Variants in OGA observed in about 807,000 individuals in gnomAD.
The protein encoded by OGA is protein O-GlcNAcase.
A neutral mutation model predicts 102.0 loss-of-function variants in OGA; 21 were observed. The ratio of observed to expected loss-of-function variants is 0.21; its 90% CI spans 0.15 to 0.30. The LOEUF (loss-of-function observed/expected upper bound fraction) is 0.30. OGA is among the 10% of genes least tolerant of loss of function. OGA has a pLI of 1.00. For synonymous variants in OGA, 408 were observed against 378.2 expected (o/e 1.08, Z -0.91); for missense variants, 765 against 1,107.8 (o/e 0.69, Z 4.39).
intron 15 of OGA, 39 bp from the exon 16 acceptor site, chr10:101,786,626 CT>C: frequency 6.8e-7 from 1 of 1,478,278 alleles, no homozygotes; most frequent in Non-Finnish European, 9.0e-7. Context: ...AAATAAGTCA[CT>C]TAATTAGTAT....
intron 2 of OGA, 149 bp from the exon 3 acceptor site, chr10:101,813,276 T>G: frequency 1.6e-6 from 1 of 627,248 alleles, no homozygotes; most frequent in Admixed American, 3.2e-5. Flanking sequence ...CAGTGGAATT[T>G]AAAAAAATTA....
intron 2 of OGA, 30 bp downstream of exon 2, chr10:101,813,525 T>C (rs1358560063): frequency 6.5e-6 from 9 of 1,375,082 alleles, no homozygotes; most frequent in Non-Finnish European, 9.1e-6. Flanking sequence ...TTTAAGGTTC[T>C]CCTCTCTCCT....
In OGA at chr10:101,799,274, C is replaced by CTGT. The variant is rs764425200; in HGVS notation, c.1374_1376dup (p.Gln459dup). On this transcript the variant is annotated inframe_insertion, in exon 9 of 16. Transcript: ENST00000361464. ...CCATGTCCATGGGTTCTTCATCAGG[C>CTGT]TGTTTCTTTTCTTCTTCCTTGGTCA... The CTGT allele has an allele frequency of 6.2e-7, 1 of 1,614,134 alleles. No individual in the cohort carries two copies. The highest frequency in any genetic ancestry group is 8.5e-7 in the Non-Finnish European group (1 of 1,180,006).
intron 14 of OGA, among the ~76,000 whole-genome samples, chr10:101,788,320 T>C (rs1387263022): frequency 6.8e-6 from 1 of 147,828 alleles, no homozygotes. Context: ...GCGCCTGTAG[T>C]CCCAGCAACT....
At chr10:101,799,565 C>T in intron 8 of OGA, 110 bp from the exon 9 acceptor site, 1 of 1,150,118 alleles carries the variant, frequency 8.7e-7, no homozygotes. Flanking sequence ...TAAGTGGAAC[C>T]TCAATTTTAG....
At chr10:101,790,048 ACTT>A (rs759937918) in intron 14 of OGA, among the ~76,000 whole-genome samples, 1 of 152,108 alleles carries the variant, frequency 6.6e-6, no homozygotes, top group African/African-American at 2.4e-5. Context: ...GGGGCATAAA[ACTT>A]TTTTGGAGAT....
chr10:101,812,925 T>C (rs757327767), intron 3 of OGA, 105 bp downstream of exon 3: 16 of 965,766 alleles, frequency 1.7e-5, no homozygotes, highest in Non-Finnish European at 2.0e-5. Context: ...GGAAACTACC[T>C]ACAAAATAAA....
rs974439778 is a variant in OGA, at chr10:101,818,414, T to C, written c.-392A>G. 6.7e-5 allele frequency: 68 copies of C among 1,014,528 alleles called. No individual in the cohort carries two copies. Among genetic ancestry groups the C allele is most frequent in the Non-Finnish European group, 7.8e-5 (66 of 848,368 alleles). 62.8% of individuals were successfully genotyped at this position (1,014,528 alleles called of 1,614,324 possible). A position where few individuals can be genotyped will look rare whatever the true frequency, so the allele number is the denominator to read the frequency against. ...AAGCCCCGAGCTCTCCCTCTGCTGC[T>C]GCCTCCACCGCCCGCTTCCTGTTTA... On this transcript the variant is annotated 5_prime_UTR_variant, in exon 1 of 16. Coordinates refer to ENST00000361464, the MANE Select transcript of OGA (RefSeq NM_012215.5).
intron 15 of OGA, 26 bp downstream of exon 15, chr10:101,787,338 C>T (rs749155845): frequency 7.1e-6 from 11 of 1,547,936 alleles, no homozygotes; most frequent in Middle Eastern, 1.7e-4. Flanking sequence ...GCCCAAATAC[C>T]ACCAACTCCA....
At position 101,787,381 on chromosome 10, in the gene OGA, G is replaced by A; in HGVS notation, c.2597C>T (p.Ser866Phe). ...GTACTCACCATTAGCCTTCAGTGAA[G>A]ACAGGAGGCAAGCCATCATGCTTTT... ...VAKSMMACLL[S>F]SLKANGSRGA... The change falls in exon 15 of 16, where the codon TCT (serine) becomes TTT (phenylalanine). Residue 866 changes from serine (S) to phenylalanine (F), a missense_variant. Physicochemically the swap from Ser to Phe is radical, Grantham distance 155. Around this residue, in one of 7 missense-constraint regions of OGA, gnomAD observed 146 missense variants for 269.7 expected, o/e 0.54. Transcript: ENST00000361464. The A allele has an allele frequency of 6.2e-7, 1 of 1,613,362 alleles. No homozygotes were observed. Among genetic ancestry groups the A allele is most frequent in the South Asian group, 1.1e-5 (1 of 91,076 alleles).
At chr10:101,795,350 C>G (rs908984016) in intron 10 of OGA, among the ~76,000 whole-genome samples, 18 of 152,150 alleles carry the variant, frequency 1.2e-4, no homozygotes, top group Admixed American at 1.2e-3. Context: ...TCATGTCTAC[C>G]GCCCTTAAAT....
In OGA at chr10:101,799,397, A is replaced by C. The variant is rs2065360639; in HGVS notation, c.1254T>G (p.Val418=). ...KASVVDGTPL[V]AAPSLNATTV... is the part of the protein sequence containing the mutation. ...TTGTGGCATTTAAAGAGGGTGCTGC[A>C]ACTAAAGGAGTCCCATCAACTACAC... Residue 418 remains valine, a synonymous_variant, in exon 9 of 16, where the codon GTT becomes GTG. Coordinates refer to ENST00000361464, the MANE Select transcript of OGA (RefSeq NM_012215.5). 1 of 1,614,006 alleles carries C rather than the reference A, an allele frequency of 6.2e-7. No homozygotes were observed. Among genetic ancestry groups the C allele is most frequent in the Admixed American group, 1.7e-5 (1 of 59,992 alleles).
intron 10 of OGA, chr10:101,797,274 AAAATG>A (rs907488908): frequency 6.6e-6 from 1 of 152,246 alleles, no homozygotes; most frequent in African/African-American, 2.4e-5. Flanking sequence ...TGAAAACCTG[AAAATG>A]AAATGAAGTC....
At chr10:101,798,190 A>G in intron 9 of OGA, 36 bp from the exon 10 acceptor site, 2 of 1,592,410 alleles carry the variant, frequency 1.3e-6, no homozygotes, top group Non-Finnish European at 1.7e-6. Context: ...AAAAAACTGT[A>G]AGCTTAACAA....
intron 14 of OGA, among the ~76,000 whole-genome samples, chr10:101,790,265 GTTTTTTTT>G (rs869235919): frequency 2.3e-5 from 2 of 86,392 alleles, no homozygotes; most frequent in African/African-American, 4.7e-5. Flanking sequence ...ATAATATCTT[GTTTTTTTT>G]TTTTTTTTTT....
At chr10:101,798,301 C>A in intron 9 of OGA, 147 bp from the exon 10 acceptor site, 1 of 722,776 alleles carries the variant, frequency 1.4e-6, no homozygotes, top group Non-Finnish European at 2.2e-6. Flanking sequence ...CCCAAACTGA[C>A]AAATATTCCT....
Position 101,784,779 on chromosome 10 carries a change from G to C in OGA, c.*1672C>G, listed in dbSNP as rs1400116781. 6.6e-6 allele frequency: 1 copy of C among 152,200 alleles called. No individual in the cohort carries two copies. The highest frequency in any genetic ancestry group is 2.4e-5 in the African/African-American group (1 of 41,444). 9.4% of individuals were successfully genotyped at this position (152,200 alleles called of 1,614,324 possible). Reference sequence around the variant, plus strand: ...GAATTGTCCACTAGTGTTAAGACGAGAAAACTGAGGAAAACTCAGCTGTCT... The same window carrying C: ...GAATTGTCCACTAGTGTTAAGACGACAAAACTGAGGAAAACTCAGCTGTCT... On this transcript the variant is annotated 3_prime_UTR_variant, in exon 16 of 16. Coordinates refer to ENST00000361464, the MANE Select transcript of OGA (RefSeq NM_012215.5).
At chr10:101,792,679 C>A in intron 12 of OGA, 160 bp downstream of exon 12, 1 of 547,926 alleles carries the variant, frequency 1.8e-6, no homozygotes, top group South Asian at 2.9e-5. Context: ...GTCTAAACTC[C>A]TTAAATTTCT....
rs145620308 is a variant in OGA at position 101,818,154 on chromosome 10, G to A, written c.-132C>T. On this transcript the variant is annotated 5_prime_UTR_variant, in exon 1 of 16. Transcript: ENST00000361464. Reference sequence around the variant, plus strand: ...CTCCGGCTCCTTCCCCTCCCCCTCTGCCCTTCCCCCTCCCTCTCCGCAGGG... The same window carrying A: ...CTCCGGCTCCTTCCCCTCCCCCTCTACCCTTCCCCCTCCCTCTCCGCAGGG... 175 of 1,378,076 alleles carry A rather than the reference G, an allele frequency of 1.3e-4. 2 individuals carry two copies. In the South Asian group the frequency reaches 2.2e-3, roughly 17 times the overall value. The allele number at this position is 1,378,076 out of a possible 1,614,324, so 85.4% of individuals were successfully genotyped here. A position where few individuals can be genotyped will look rare whatever the true frequency, so the allele number is the denominator to read the frequency against.
Sources: allele counts gnomAD v4.1 joint callset (sites outside exome capture counted in the v4.1 genomes callset), GRCh38; gene constraint gnomAD v4.1.1; regional missense constraint gnomAD v4.1.1; transcripts MANE v1.5; gene names NCBI Gene and HGNC (gene_info 2026-07-23, HGNC 2026-07-21).